HS6ST2: variants seen among roughly 807,000 people sequenced by gnomAD.
HS6ST2 encodes the protein heparan-sulfate 6-O-sulfotransferase 2.
Under a neutral mutation model 33.0 loss-of-function variants are expected in HS6ST2, and 17 were observed. The ratio of observed to expected loss-of-function variants is 0.52; its 90% CI spans 0.35 to 0.77. The LOEUF (loss-of-function observed/expected upper bound fraction) is 0.77. Among genes scored for constraint, HS6ST2 ranks in the 30% least tolerant of loss-of-function variants. HS6ST2 has a pLI of 0.01. For synonymous variants in HS6ST2, 248 were observed against 237.1 expected, an observed-to-expected ratio of 1.05 and a Z score of -0.42; for missense variants, 519 against 551.7, an observed-to-expected ratio of 0.94 and a Z score of 0.59.
At chrX:132,786,245 A>G (rs2065059785) in intron 2 of HS6ST2, among the ~76,000 whole-genome samples, 1 of 111,919 alleles carries the variant, frequency 8.9e-6, no homozygotes, top group Non-Finnish European at 1.9e-5. Context: ...CTGGATGACT[A>G]TGTTCAATTT....
intron 2 of HS6ST2, among the ~76,000 whole-genome samples, chrX:132,757,081 G>A (rs1490540335): frequency 2.7e-5 from 3 of 111,714 alleles, no homozygotes; most frequent in Non-Finnish European, 3.8e-5. Flanking sequence ...ATCTAACATT[G>A]TCTATTACAG....
chrX:132,768,769 G>T (rs2064871874), intron 2 of HS6ST2, among the ~76,000 whole-genome samples: 1 of 112,307 alleles, frequency 8.9e-6, no homozygotes, highest in Non-Finnish European at 1.9e-5. Context: ...GGATTTTGTG[G>T]ATCTTTACAT....
At chrX:132,863,787 C>T (rs979257698) in intron 2 of HS6ST2, among the ~76,000 whole-genome samples, 1 of 111,842 alleles carries the variant, frequency 8.9e-6, no homozygotes, top group African/African-American at 3.3e-5. Flanking sequence ...TCATAAGCAT[C>T]GTATCCACTG....
At chrX:132,642,548 G>T (rs2063608719) in intron 4 of HS6ST2, among the ~76,000 whole-genome samples, 1 of 111,863 alleles carries the variant, frequency 8.9e-6, no homozygotes, top group Non-Finnish European at 1.9e-5. Context: ...TTTCACCTGG[G>T]AAAGTTTTTC....
chrX:132,943,088 A>G (rs976208088), intron 2 of HS6ST2, among the ~76,000 whole-genome samples: 1 of 112,181 alleles, frequency 8.9e-6, no homozygotes, highest in South Asian at 3.7e-4. Flanking sequence ...GGGAAAAAAG[A>G]GCTGCAGAGT....
At chrX:132,795,020 T>A (rs1354766551) in intron 2 of HS6ST2, among the ~76,000 whole-genome samples, 1 of 110,512 alleles carries the variant, frequency 9.0e-6, no homozygotes, top group African/African-American at 3.3e-5. Context: ...CTGCAGGCAG[T>A]GGCATTCATA....
chrX:132,846,153 T>C (rs2065748718), intron 2 of HS6ST2, among the ~76,000 whole-genome samples: 2 of 112,525 alleles, frequency 1.8e-5, no homozygotes, highest in African/African-American at 6.5e-5. Context: ...TCCTACCATT[T>C]AACCAGGTAA....
chrX:132,880,675 C>T (rs774185478), intron 2 of HS6ST2, among the ~76,000 whole-genome samples: 6 of 107,697 alleles, frequency 5.6e-5, no homozygotes, highest in South Asian at 4.3e-4. Flanking sequence ...ATGTGCACAA[C>T]GTGCAGCTTT....
chrX:132,700,774 G>T (rs185575881), intron 3 of HS6ST2, among the ~76,000 whole-genome samples: 2 of 110,718 alleles, frequency 1.8e-5, no homozygotes, highest in East Asian at 2.9e-4. Context: ...TTAAAGAGAT[G>T]ATGTGTACCT....
intron 2 of HS6ST2, among the ~76,000 whole-genome samples, chrX:132,881,452 T>G (rs1251825461): frequency 5.5e-4 from 56 of 101,679 alleles, no homozygotes; most frequent in Non-Finnish European, 9.9e-4. Flanking sequence ...TTCATATACT[T>G]TGCCTACTTG....
intron 2 of HS6ST2, among the ~76,000 whole-genome samples, chrX:132,831,811 T>C (rs891575320): frequency 8.9e-6 from 1 of 112,055 alleles, no homozygotes; most frequent in Non-Finnish European, 1.9e-5. Context: ...GACACCAAAG[T>C]AGAACAAGGC....
In HS6ST2 at chrX:132,627,882, A is replaced by G. The variant is rs2063490059; in HGVS notation, c.*341T>C. On this transcript the variant is annotated 3_prime_UTR_variant, in exon 5 of 5. Coordinates refer to ENST00000370833, the MANE Select transcript of HS6ST2 (RefSeq NM_001394073.1). ...AATTTAAAGTCCATTTCTTAGCCAT[A>G]AGTTAAATGGTCACATTTTATGTTT... 7.1e-6 allele frequency: 1 copy of G among 140,449 alleles called. No individual in the cohort carries two copies. The highest frequency in any genetic ancestry group is 3.1e-5 in the African/African-American group (1 of 32,037). 11.6% of individuals were successfully genotyped at this position (140,449 alleles called of 1,213,427 possible).
chrX:132,794,583 T>G (rs199866898), intron 2 of HS6ST2, among the ~76,000 whole-genome samples: 147 of 99,247 alleles, frequency 1.5e-3, no homozygotes, highest in African/African-American at 3.5e-3. Context: ...TGATTATTAT[T>G]ATTATTATTA....
intron 2 of HS6ST2, among the ~76,000 whole-genome samples, chrX:132,905,754 A>T (rs1350005839): frequency 9.0e-6 from 1 of 111,659 alleles, no homozygotes; most frequent in South Asian, 3.8e-4. Flanking sequence ...TCTCTATATT[A>T]AAAAAAATTA....
chrX:132,813,625 A>G (rs1296714393), intron 2 of HS6ST2, among the ~76,000 whole-genome samples: 1 of 111,236 alleles, frequency 9.0e-6, no homozygotes, highest in Non-Finnish European at 1.9e-5. Context: ...GGCTGAAAAA[A>G]TCATGCCTTC....
chrX:132,703,918 T>C (rs1257742600), intron 3 of HS6ST2, among the ~76,000 whole-genome samples: 1 of 111,956 alleles, frequency 8.9e-6, no homozygotes, highest in African/African-American at 3.2e-5. Context: ...AAATTGTCAA[T>C]GTACCTGCAT....
chrX:132,812,258 A>G (rs1176183646), intron 2 of HS6ST2, among the ~76,000 whole-genome samples: 1 of 108,221 alleles, frequency 9.2e-6, no homozygotes, highest in Non-Finnish European at 1.9e-5. Flanking sequence ...TACAAAAATT[A>G]TCCAGGCATG....
chrX:132,923,032 C>T (rs1184443777), intron 2 of HS6ST2, among the ~76,000 whole-genome samples: 1 of 91,451 alleles, frequency 1.1e-5, no homozygotes, highest in Non-Finnish European at 2.0e-5. Flanking sequence ...TAGGGCACTC[C>T]AGTCTGGGTG....
intron 2 of HS6ST2, among the ~76,000 whole-genome samples, chrX:132,874,919 G>A (rs2066096528): frequency 9.0e-6 from 1 of 111,326 alleles, no homozygotes; most frequent in African/African-American, 3.3e-5. Context: ...AGGGGGGGGC[G>A]GCCCATGGCA....
Sources: allele counts gnomAD v4.1 joint callset (sites outside exome capture counted in the v4.1 genomes callset), GRCh38; gene constraint gnomAD v4.1.1; transcripts MANE v1.5; gene names NCBI Gene and HGNC (gene_info 2026-07-23, HGNC 2026-07-21).